IMMP2L: variants seen among roughly 807,000 people sequenced by gnomAD.
IMMP2L encodes the protein mitochondrial inner membrane protease subunit 2.
Under a neutral mutation model 19.3 loss-of-function variants are expected in IMMP2L, and 18 were observed. The ratio of observed to expected loss-of-function variants is 0.93; its 90% CI spans 0.64 to 1.38. The LOEUF (loss-of-function observed/expected upper bound fraction) is 1.38, where lower values mean the gene tolerates loss of function less well. IMMP2L is among the 40% of genes most tolerant of loss of function. IMMP2L has a pLI of 0.00. For missense variants in IMMP2L, 233 were observed against 218.2 expected, an observed-to-expected ratio of 1.07 and a Z score of -0.43; for synonymous variants, 76 against 73.0, an observed-to-expected ratio of 1.04 and a Z score of -0.21.
At chr7:111,383,889 T>C (rs2131255413) in intron 3 of IMMP2L, among the ~76,000 whole-genome samples, 1 of 152,276 alleles carries the variant, frequency 6.6e-6, no homozygotes, top group Admixed American at 6.5e-5. Context: ...AAGTTTTCTC[T>C]GACCTGTCCA....
intron 5 of IMMP2L, among the ~76,000 whole-genome samples, chr7:110,851,505 T>C (rs1429130123): frequency 6.6e-6 from 1 of 152,140 alleles, no homozygotes; most frequent in African/African-American, 2.4e-5. Flanking sequence ...GATATGATTC[T>C]GAAAGACTGA....
chr7:110,781,674 T>C (rs1372177015), intron 5 of IMMP2L, among the ~76,000 whole-genome samples: 1 of 151,834 alleles, frequency 6.6e-6, no homozygotes, highest in East Asian at 1.9e-4. Context: ...GGATTTTACC[T>C]GACAATATGT....
intron 1 of IMMP2L, among the ~76,000 whole-genome samples, chr7:111,542,458 A>C (rs1352099434): frequency 1.3e-5 from 2 of 152,130 alleles, no homozygotes; most frequent in African/African-American, 2.4e-5. Flanking sequence ...CGATGCTCAG[A>C]GTGCTTAAGG....
chr7:111,006,791 A>G (rs4727754), intron 3 of IMMP2L, among the ~76,000 whole-genome samples: 106,495 of 151,946 alleles, frequency 0.7, 37,941 homozygotes, highest in African/African-American at 0.79. Context: ...GCACTTGAAG[A>G]TCCCCCTTCT....
chr7:110,925,078 G>A (rs1585289172), intron 4 of IMMP2L, among the ~76,000 whole-genome samples: 1 of 152,122 alleles, frequency 6.6e-6, no homozygotes, highest in Admixed American at 6.6e-5. Flanking sequence ...CATAAGATGT[G>A]TGGGGGAAAA....
chr7:111,481,039 T>C (rs1842138876), intron 3 of IMMP2L, among the ~76,000 whole-genome samples: 1 of 152,180 alleles, frequency 6.6e-6, no homozygotes, highest in Non-Finnish European at 1.5e-5. Context: ...TGACTCTTTG[T>C]TCATACTTAT....
At chr7:110,816,538 G>C (rs905756243) in intron 5 of IMMP2L, among the ~76,000 whole-genome samples, 11 of 151,692 alleles carry the variant, frequency 7.3e-5, no homozygotes, top group African/African-American at 2.4e-4. Context: ...TTTCTGTCTC[G>C]TTGATCTGTC....
chr7:111,366,427 T>C (rs944510438), intron 3 of IMMP2L, among the ~76,000 whole-genome samples: 2 of 149,698 alleles, frequency 1.3e-5, no homozygotes, highest in Non-Finnish European at 1.5e-5. Flanking sequence ...AGCTGAAGAA[T>C]TGTTATAGAT....
chr7:110,739,137 A>T (rs1796831110), intron 5 of IMMP2L, among the ~76,000 whole-genome samples: 1 of 152,206 alleles, frequency 6.6e-6, no homozygotes, highest in Non-Finnish European at 1.5e-5. Flanking sequence ...CAGGATCTAT[A>T]GAACAATAAG....
At chr7:111,099,905 A>G (rs1797789041) in intron 3 of IMMP2L, 1 of 151,636 alleles carries the variant, frequency 6.6e-6, no homozygotes, top group Non-Finnish European at 1.5e-5. Context: ...GAGAAAGAGA[A>G]AGAAGAGGAA....
intron 3 of IMMP2L, among the ~76,000 whole-genome samples, chr7:111,068,920 C>A (rs528497409): frequency 4.7e-4 from 72 of 152,208 alleles, no homozygotes; most frequent in African/African-American, 1.7e-3. Context: ...ATAGCCAATA[C>A]AATAAAGTAA....
At chr7:111,329,471 G>C (rs1825660694) in intron 3 of IMMP2L, among the ~76,000 whole-genome samples, 1 of 151,842 alleles carries the variant, frequency 6.6e-6, no homozygotes, top group African/African-American at 2.4e-5. Flanking sequence ...CGAGAGCAGA[G>C]AGGAGTTAAG....
At chr7:111,369,200 A>G (rs540067107) in intron 3 of IMMP2L, among the ~76,000 whole-genome samples, 55 of 152,086 alleles carry the variant, frequency 3.6e-4, no homozygotes, top group African/African-American at 1.2e-3. Context: ...TACATATCTT[A>G]GAAGATTTAG....
chr7:111,057,468 T>C (rs1287175915), intron 3 of IMMP2L, among the ~76,000 whole-genome samples: 1 of 152,220 alleles, frequency 6.6e-6, no homozygotes, highest in Non-Finnish European at 1.5e-5. Context: ...TGTAAGAATT[T>C]TTTAAAATAA....
intron 3 of IMMP2L, among the ~76,000 whole-genome samples, chr7:111,112,700 T>C (rs1461662084): frequency 6.6e-6 from 1 of 152,218 alleles, no homozygotes; most frequent in Non-Finnish European, 1.5e-5. Flanking sequence ...GAGGGAAATC[T>C]GACACACTTT....
chr7:111,385,248 A>C lies in IMMP2L; in HGVS notation c.239+101990T>G, dbSNP rs1455386246. On this transcript the variant is annotated intron_variant, in intron 3 of 5. Transcript: ENST00000405709. ...CATTTGAGCAAAAAGGGGGTAAGAA[A>C]GTCAAGTGGTTGGTACCCTAACCTG... 2.0e-5 allele frequency among the ~76,000 whole-genome samples: 3 copies of C among 152,164 alleles called. No individual in the cohort carries two copies. In the South Asian group the frequency reaches 6.2e-4, roughly 32 times the overall value.
At chr7:111,090,333 T>A (rs956953396) in intron 3 of IMMP2L, among the ~76,000 whole-genome samples, 1 of 152,062 alleles carries the variant, frequency 6.6e-6, no homozygotes, top group Non-Finnish European at 1.5e-5. Context: ...TTTTAAATAA[T>A]TTAACTTATT....
In IMMP2L at chr7:111,444,867, C is replaced by A. The variant is rs538939182; in HGVS notation, c.239+42371G>T. On this transcript the variant is annotated intron_variant, in intron 3 of 5. Coordinates refer to ENST00000405709, the MANE Select transcript of IMMP2L (RefSeq NM_032549.4). ...CTAATTACAGTAGGAAGGTCTGTCC[C>A]TTCCTACTGTCCTTCAGCATAATAT... Among the ~76,000 whole-genome samples, 10 of 152,188 alleles carry A rather than the reference C, an allele frequency of 6.6e-5. 1 individual carries two copies. In the East Asian group the frequency reaches 1.7e-3, roughly 27 times the overall value.
At chr7:111,385,102 G>A (rs1831602429) in intron 3 of IMMP2L, among the ~76,000 whole-genome samples, 1 of 152,092 alleles carries the variant, frequency 6.6e-6, no homozygotes, top group Non-Finnish European at 1.5e-5. Flanking sequence ...TAGGGAAGAC[G>A]TGTAATAAAT....
Sources: gnomAD v4.1 joint callset for allele counts (sites outside exome capture counted in the v4.1 genomes callset) on GRCh38, gnomAD v4.1.1 for gene constraint, MANE v1.5 for transcripts, NCBI Gene and HGNC (gene_info 2026-07-23, HGNC 2026-07-21) for gene names.